LMCD1: variants seen among roughly 807,000 people sequenced by gnomAD.
The protein encoded by LMCD1 is LIM and cysteine rich domains 1.
Under a neutral mutation model 42.7 loss-of-function variants are expected in LMCD1, and 32 were observed. That is an observed-to-expected ratio of 0.75 (90% confidence interval 0.57 to 1.01). The LOEUF (loss-of-function observed/expected upper bound fraction) is 1.01, where lower values mean the gene tolerates loss of function less well. LMCD1 is among the 50% of genes least tolerant of loss of function. LMCD1 has a pLI of 0.00. For missense variants in LMCD1, 458 were observed against 483.1 expected (o/e 0.95, Z 0.49); for synonymous variants, 178 against 184.9 (o/e 0.96, Z 0.30).
chr3:8,554,250 C>G (rs1032527668), intron 4 of LMCD1, among the ~76,000 whole-genome samples: 4 of 152,128 alleles, frequency 2.6e-5, no homozygotes, highest in Non-Finnish European at 4.4e-5. Flanking sequence ...GATGAGGACC[C>G]TGGGGCGCAG....
chr3:8,566,743 A>C lies in LMCD1; in HGVS notation c.940-697A>C, dbSNP rs74630620. Among the ~76,000 whole-genome samples the C allele has an allele frequency of 8.8e-3, 1,344 of 152,342 alleles. 17 individuals are homozygous for C. The highest frequency in any genetic ancestry group is 0.031 in the African/African-American group (1,297 of 41,572). On this transcript the variant is annotated intron_variant, in intron 5 of 5. Coordinates refer to ENST00000157600, the MANE Select transcript of LMCD1 (RefSeq NM_014583.4). ...GCTCTGAAAGGTCAATGCTAATTAG[A>C]TAGCCCTGACTTTGTGTCAGTCAAC...
intron 1 of LMCD1, among the ~76,000 whole-genome samples, chr3:8,516,747 C>T (rs934877552): frequency 2.6e-5 from 4 of 152,090 alleles, no homozygotes; most frequent in Admixed American, 6.6e-5. Context: ...TTTTAAAATC[C>T]GAATGATCCA....
chr3:8,529,779 A>G (rs1270077706), intron 1 of LMCD1, among the ~76,000 whole-genome samples: 2 of 152,218 alleles, frequency 1.3e-5, no homozygotes, highest in Non-Finnish European at 2.9e-5. Flanking sequence ...TTTTGAAGCT[A>G]GAAAAAAATG....
intron 1 of LMCD1, among the ~76,000 whole-genome samples, chr3:8,513,680 G>T (rs756559659): frequency 2.8e-4 from 43 of 152,012 alleles, no homozygotes; most frequent in Non-Finnish European, 5.9e-4. Flanking sequence ...ATAAATAGAG[G>T]TAATATCAAA....
intron 3 of LMCD1, 87 bp downstream of exon 3, chr3:8,537,527 G>T (rs1301524438): frequency 2.1e-6 from 3 of 1,431,170 alleles, no homozygotes; most frequent in African/African-American, 1.4e-5. Context: ...CAAACATGGG[G>T]TGGCAAGAGC....
At chr3:8,544,427 T>C (rs1694695741) in intron 3 of LMCD1, among the ~76,000 whole-genome samples, 1 of 152,150 alleles carries the variant, frequency 6.6e-6, no homozygotes. Context: ...TGCTGTGAGC[T>C]TACAGTGCCA....
chr3:8,524,167 A>C (rs1174398324), intron 1 of LMCD1, among the ~76,000 whole-genome samples: 1 of 150,374 alleles, frequency 6.7e-6, no homozygotes, highest in Non-Finnish European at 1.5e-5. Flanking sequence ...CTTCCTGGCC[A>C]GGGCACTCCC....
At chr3:8,510,677 T>C (rs1693978204) in intron 1 of LMCD1, among the ~76,000 whole-genome samples, 2 of 152,154 alleles carry the variant, frequency 1.3e-5, no homozygotes, top group African/African-American at 4.8e-5. Flanking sequence ...TTTATACTCA[T>C]CCCTGCTCTG....
rs528780829 is a variant in LMCD1 at position 8,565,611 on chromosome 3, C to T, written c.903C>T (p.Cys301=). Residue 301 remains cysteine (C), a synonymous_variant, in exon 5 of 6, where the codon TGC becomes TGT. Transcript: ENST00000157600. The part of the protein sequence containing the change: ...DGAPWCGRHY[C]ESLRPRCSGC... Reference sequence around the variant, plus strand: ...CACCCTGGTGCGGCCGCCATTACTGCGAGAGTCTGCGGCCCCGGTGCTCCG... The same window carrying T: ...CACCCTGGTGCGGCCGCCATTACTGTGAGAGTCTGCGGCCCCGGTGCTCCG... 6 of 1,611,010 alleles carry T rather than the reference C, an allele frequency of 3.7e-6. No homozygotes were observed. Among genetic ancestry groups the T allele is most frequent in the African/African-American group, 1.3e-5 (1 of 74,876 alleles).
chr3:8,548,028 AC>A (rs1332977278), intron 3 of LMCD1, among the ~76,000 whole-genome samples: 2 of 152,230 alleles, frequency 1.3e-5, no homozygotes, highest in African/African-American at 2.4e-5. Context: ...CAATTGTAAC[AC>A]AATGGTCAGT....
rs996804893 is a variant in LMCD1, at chr3:8,571,166, G to T, written c.*3568G>T. 2 of 152,060 alleles carry T rather than the reference G, an allele frequency of 1.3e-5. No individual in the cohort carries two copies. The highest frequency in any genetic ancestry group is 1.3e-4 in the Admixed American group (2 of 15,270). The allele number at this position is 152,060 out of a possible 1,614,324, so 9.4% of individuals were successfully genotyped here. ...TGTTTTAGGTGCCCTTTATCTGTAA[G>T]TTCATAATATCCCAGGCTTACAGTA... On this transcript the variant is annotated 3_prime_UTR_variant, in exon 6 of 6. Coordinates refer to ENST00000157600, the MANE Select transcript of LMCD1 (RefSeq NM_014583.4).
At chr3:8,526,256 C>T (rs575961970) in intron 1 of LMCD1, among the ~76,000 whole-genome samples, 1 of 152,244 alleles carries the variant, frequency 6.6e-6, no homozygotes, top group South Asian at 2.1e-4. Flanking sequence ...TTGAGAAAAA[C>T]GTGTGAGGGC....
At chr3:8,543,185 G>A (rs1694661543) in intron 3 of LMCD1, among the ~76,000 whole-genome samples, 1 of 152,142 alleles carries the variant, frequency 6.6e-6, no homozygotes, top group African/African-American at 2.4e-5. Flanking sequence ...TGTGAGCAAA[G>A]TTGCCACCCA....
At chr3:8,551,090 G>A in intron 4 of LMCD1, 1 of 985,354 alleles carries the variant, frequency 1.0e-6, no homozygotes. Context: ...TTTATTGGTT[G>A]GGCTAGGCTG....
intron 1 of LMCD1, among the ~76,000 whole-genome samples, chr3:8,531,545 G>T (rs1421976838): frequency 3.3e-5 from 5 of 152,086 alleles, no homozygotes; most frequent in East Asian, 1.9e-4. Flanking sequence ...TATGTCCAAG[G>T]CTAGGCAGCC....
In LMCD1 at chr3:8,569,039, C is replaced by A. The variant is rs752057863; in HGVS notation, c.*1441C>A. On this transcript the variant is annotated 3_prime_UTR_variant, in exon 6 of 6. Coordinates refer to ENST00000157600, the MANE Select transcript of LMCD1 (RefSeq NM_014583.4). ...TTTCTCTAGTCACCCTCAGTTTCCTCGTCATGTTCATCTTCTCAAAGATAA... is the reference window on the plus strand; with the variant it reads ...TTTCTCTAGTCACCCTCAGTTTCCTAGTCATGTTCATCTTCTCAAAGATAA... 1 of 152,208 alleles carries A rather than the reference C, an allele frequency of 6.6e-6. No individual in the cohort carries two copies. Among genetic ancestry groups the A allele is most frequent in the Admixed American group, 6.5e-5 (1 of 15,274 alleles). The allele number at this position is 152,208 out of a possible 1,614,324, so 9.4% of individuals were successfully genotyped here. A position where few individuals can be genotyped will look rare whatever the true frequency, so the allele number is the denominator to read the frequency against.
In LMCD1 at chr3:8,573,959, C is replaced by G. The variant is rs1019483512; in HGVS notation, c.*6361C>G. 4.0e-5 allele frequency: 6 copies of G among 151,806 alleles called. No homozygotes were observed. Among genetic ancestry groups the G allele is most frequent in the Non-Finnish European group, 5.9e-5 (4 of 67,990 alleles). The allele number at this position is 151,806 out of a possible 1,614,324, so 9.4% of individuals were successfully genotyped here. ...GAATCTGCTTTCTAGTCAGAAAGTG[C>G]AGAAGAAGGGCTAGCTTCAGGAACA... On this transcript the variant is annotated 3_prime_UTR_variant, in exon 6 of 6. Coordinates refer to ENST00000157600, the MANE Select transcript of LMCD1 (RefSeq NM_014583.4).
intron 4 of LMCD1, among the ~76,000 whole-genome samples, chr3:8,564,054 A>G (rs1695087210): frequency 6.6e-6 from 1 of 152,212 alleles, no homozygotes; most frequent in Admixed American, 6.5e-5. Flanking sequence ...GGGATCCTGG[A>G]ATAGAAAAAG....
chr3:8,556,036 T>A (rs1210691279), intron 4 of LMCD1, among the ~76,000 whole-genome samples: 2 of 152,228 alleles, frequency 1.3e-5, no homozygotes, highest in Non-Finnish European at 2.9e-5. Flanking sequence ...TAGCTTTTTA[T>A]TAATCTCTTT....
Sources: gnomAD v4.1 joint callset for allele counts (sites outside exome capture counted in the v4.1 genomes callset) on GRCh38, gnomAD v4.1.1 for gene constraint, MANE v1.5 for transcripts, NCBI Gene and HGNC (gene_info 2026-07-23, HGNC 2026-07-21) for gene names.